CHODL: variants seen among roughly 807,000 people sequenced by gnomAD.
CHODL encodes the protein chondrolectin.
A neutral mutation model predicts 34.5 loss-of-function variants in CHODL; 29 were observed. The observed-to-expected ratio is 0.84, with a 90% CI of 0.63 to 1.15. The LOEUF (loss-of-function observed/expected upper bound fraction) is 1.15. Ranked by LOEUF, CHODL falls within the 50% of genes most tolerant of loss-of-function variation. The pLI is 0.00. For missense variants in CHODL, 332 were observed against 332.5 expected (o/e 1.00, Z 0.01); for synonymous variants, 125 against 116.1 (o/e 1.08, Z -0.49).
intron 1 of CHODL, among the ~76,000 whole-genome samples, chr21:17,961,331 A>C (rs1321947709): frequency 6.6e-6 from 1 of 152,226 alleles, no homozygotes; most frequent in Non-Finnish European, 1.5e-5. Context: ...TTTGGCCCGC[A>C]GTGAGCATCT....
chr21:17,981,182 A>G (rs913144784), intron 1 of CHODL, among the ~76,000 whole-genome samples: 10 of 152,170 alleles, frequency 6.6e-5, no homozygotes, highest in African/African-American at 2.4e-4. Context: ...TTATTGTTTA[A>G]AAAAACCTGT....
chr21:18,254,426 T>C (rs2074292442), intron 1 of CHODL, among the ~76,000 whole-genome samples: 1 of 152,138 alleles, frequency 6.6e-6, no homozygotes, highest in African/African-American at 2.4e-5. Flanking sequence ...GAAGAGGCTA[T>C]GGACTATGGA....
intron 1 of CHODL, among the ~76,000 whole-genome samples, chr21:18,004,348 A>G (rs554723312): frequency 6.6e-6 from 1 of 152,328 alleles, no homozygotes; most frequent in East Asian, 1.9e-4. Context: ...AAAGGTCTAA[A>G]TCAATATGTA....
In CHODL at chr21:17,995,073, A is replaced by G. The variant is rs147516665; in HGVS notation, c.-144-32799A>G. Among the ~76,000 whole-genome samples the G allele has an allele frequency of 4.4e-3, 664 of 152,224 alleles. 21 individuals are homozygous for G. Among genetic ancestry groups the G allele is most frequent in the Admixed American group, 0.04 (613 of 15,288 alleles). On this transcript the variant is annotated intron_variant, in intron 1 of 6. Transcript: ENST00000400127. ...CCTGATCGCACCCCTTGATCCAGAC[A>G]GCGTCATGATGCTGCAGCCCTCTGG...
rs185826577 is a variant in CHODL at position 18,192,772 on chromosome 21, A to G, written c.-44-63737A>G. On this transcript the variant is annotated intron_variant, in intron 2 of 6. Transcript: ENST00000400127. ...TATTTAAAACCCATTTTATATCTTT[A>G]TTAAAATTAAATCTACTCACTTCAT... is the stretch of plus-strand genomic sequence containing the variant. Among the ~76,000 whole-genome samples, 1,000 of 152,260 alleles carry G rather than the reference A, an allele frequency of 6.6e-3. 11 individuals are homozygous for G. Among genetic ancestry groups the G allele is most frequent in the African/African-American group, 0.023 (959 of 41,554 alleles).
chr21:18,254,531 G>C (rs1368575194), intron 1 of CHODL, among the ~76,000 whole-genome samples: 1 of 152,074 alleles, frequency 6.6e-6, no homozygotes, highest in African/African-American at 2.4e-5. Flanking sequence ...AGCAGAAGCA[G>C]TGAAAATCAA....
intron 2 of CHODL, among the ~76,000 whole-genome samples, chr21:18,066,221 A>C (rs1233632561): frequency 1.3e-5 from 2 of 152,174 alleles, no homozygotes. Context: ...CTGATTTGCA[A>C]TCTTGTTCCA....
chr21:18,135,918 C>G (rs188514315), intron 2 of CHODL, among the ~76,000 whole-genome samples: 10 of 151,964 alleles, frequency 6.6e-5, no homozygotes, highest in Admixed American at 6.6e-4. Flanking sequence ...ACAATCCCGG[C>G]CGACATGGTG....
chr21:18,058,672 A>G (rs1032561566), intron 2 of CHODL, among the ~76,000 whole-genome samples: 1 of 152,182 alleles, frequency 6.6e-6, no homozygotes, highest in Admixed American at 6.5e-5. Flanking sequence ...AGCTAAGGCC[A>G]TTTCTGTGTC....
chr21:18,153,936 A>G (rs1298270207), intron 2 of CHODL, among the ~76,000 whole-genome samples: 1 of 152,162 alleles, frequency 6.6e-6, no homozygotes. Context: ...TGCTTCACGT[A>G]GTCATTCAGT....
intron 3 of CHODL, among the ~76,000 whole-genome samples, chr21:18,258,137 G>C (rs73318250): frequency 0.058 from 8,756 of 152,052 alleles, 848 homozygotes; most frequent in African/African-American, 0.2. Context: ...ATTTGGATTA[G>C]ACTTACCCTT....
At chr21:18,110,949 G>A (rs205679) in intron 2 of CHODL, among the ~76,000 whole-genome samples, 151,163 of 152,272 alleles carry the variant, frequency 0.99, 75,036 homozygotes, top group East Asian at 1. Context: ...CTGTAAATAG[G>A]GATCTCTTGT....
chr21:18,247,243 C>CT, intron 1 of CHODL, among the ~76,000 whole-genome samples: 1 of 152,070 alleles, frequency 6.6e-6, no homozygotes, highest in Non-Finnish European at 1.5e-5. Flanking sequence ...ATTTTTCGTG[C>CT]CACTTGGGAC....
At chr21:18,005,121 A>G (rs1380635511) in intron 1 of CHODL, among the ~76,000 whole-genome samples, 1 of 152,260 alleles carries the variant, frequency 6.6e-6, no homozygotes, top group Non-Finnish European at 1.5e-5. Context: ...CTGAGAGCTC[A>G]TAACAGAGTA....
At position 18,005,986 on chromosome 21, in the gene CHODL, C is replaced by T. The variant is rs180762710; in HGVS notation, c.-144-21886C>T. Among the ~76,000 whole-genome samples the T allele has an allele frequency of 2.6e-3, 398 of 152,226 alleles. 2 individuals are homozygous for T. The highest frequency in any genetic ancestry group is 7.8e-3 in the African/African-American group (324 of 41,538). ...CGGGGAAGTGACTGAATTATGGGGG[C>T]GGGTCTTTCCTGTGCTGTTCTCAAG... On this transcript the variant is annotated intron_variant, in intron 1 of 6. Coordinates refer to the CHODL transcript ENST00000400127.
chr21:18,017,784 C>G (rs2064089421), intron 1 of CHODL, among the ~76,000 whole-genome samples: 1 of 152,210 alleles, frequency 6.6e-6, no homozygotes, highest in African/African-American at 2.4e-5. Context: ...TTCCAGAACC[C>G]AGAATGATAG....
At chr21:18,240,467 C>G (rs1371652800), upstream of CHODL, among the ~76,000 whole-genome samples, 4 of 152,112 alleles carry the variant, frequency 2.6e-5, no homozygotes. Context: ...AATGTTTCTG[C>G]TAGCCAAATA....
chr21:18,084,581 GTCTTCATTGTATTGATT>G (rs2064980581), intron 2 of CHODL, among the ~76,000 whole-genome samples: 1 of 151,978 alleles, frequency 6.6e-6, no homozygotes, highest in South Asian at 2.1e-4. Flanking sequence ...GTTTGTGAAG[GTCTTCATTGTATTGATT>G]TCTGGCTTTA....
intron 2 of CHODL, among the ~76,000 whole-genome samples, chr21:18,083,082 C>T (rs1048115258): frequency 3.3e-5 from 5 of 152,164 alleles, no homozygotes; most frequent in African/African-American, 9.7e-5. Context: ...GGTCCAGAGG[C>T]CTAGGAGGAA....
Sources: allele counts gnomAD v4.1 joint callset (sites outside exome capture counted in the v4.1 genomes callset), GRCh38; gene constraint gnomAD v4.1.1; transcripts MANE v1.5; gene names NCBI Gene and HGNC (gene_info 2026-07-23, HGNC 2026-07-21).